Variants in RAB3GAP2 observed in about 807,000 individuals in gnomAD.
RAB3GAP2 encodes RAB3 GTPase activating non-catalytic protein subunit 2, also known as rab3 GTPase-activating protein non-catalytic subunit.
A neutral mutation model predicts 185.3 loss-of-function variants in RAB3GAP2; 87 were observed. The ratio of observed to expected loss-of-function variants is 0.47; its 90% CI spans 0.39 to 0.56. The LOEUF (loss-of-function observed/expected upper bound fraction) is 0.56. RAB3GAP2 is among the 20% of genes least tolerant of loss of function. The pLI, the probability that RAB3GAP2 is intolerant of heterozygous loss-of-function variation, is 0.00. For synonymous variants in RAB3GAP2, 554 were observed against 576.1 expected (o/e 0.96, Z 0.55); for missense variants, 1,492 against 1,638.2 (o/e 0.91, Z 1.54).
At chr1:220,246,005 A>T (rs1056815778) in intron 1 of RAB3GAP2, among the ~76,000 whole-genome samples, 30 of 152,214 alleles carry the variant, frequency 2.0e-4, no homozygotes, top group African/African-American at 7.2e-4. Context: ...ATCCACACCG[A>T]AAATTTTCGC....
intron 11 of RAB3GAP2, 50 bp downstream of exon 11, chr1:220,195,248 C>A (rs1372827616): frequency 3.8e-6 from 6 of 1,594,830 alleles, no homozygotes; most frequent in Non-Finnish European, 5.2e-6. Context: ...AAGTTAAAAG[C>A]AAGCTAGATA....
At position 220,196,857 on chromosome 1, in the gene RAB3GAP2, AAATTTCCATCTAT is replaced by A. The variant is rs202198950; in HGVS notation, c.812-472_812-460del. Among the ~76,000 whole-genome samples the A allele has an allele frequency of 1.6e-4, 25 of 152,146 alleles. 1 individual carries two copies. The East Asian group carries it at 4.6e-3, about 28-fold the overall frequency. ...AAAAAAATAATAATAATAAATATTA[AAATTTCCATCTAT>A]AATTTCCATAATCTATAGAATATCA... On this transcript the variant is annotated intron_variant, in intron 9 of 34. Transcript: ENST00000358951.
intron 21 of RAB3GAP2, among the ~76,000 whole-genome samples, chr1:220,177,081 T>C (rs537631193): frequency 6.6e-6 from 1 of 152,342 alleles, no homozygotes; most frequent in East Asian, 1.9e-4. Flanking sequence ...TGCAGACACC[T>C]GCTGGGATGC....
intron 1 of RAB3GAP2, among the ~76,000 whole-genome samples, chr1:220,235,126 A>T (rs1659568462): frequency 6.6e-6 from 1 of 152,218 alleles, no homozygotes; most frequent in Admixed American, 6.5e-5. Flanking sequence ...ACTATGCCTC[A>T]TGAAGGGTAA....
intron 9 of RAB3GAP2, among the ~76,000 whole-genome samples, chr1:220,198,495 C>A (rs1270808088): frequency 6.6e-6 from 1 of 152,094 alleles, no homozygotes; most frequent in Non-Finnish European, 1.5e-5. Flanking sequence ...CACATTGGTA[C>A]TGAATTTAGG....
chr1:220,210,258 C>T (rs1659054005), intron 7 of RAB3GAP2, 130 bp downstream of exon 7: 6 of 774,422 alleles, frequency 7.7e-6, no homozygotes, highest in South Asian at 5.4e-5. Context: ...TATTTCTAGA[C>T]TATGATAGCA....
At chr1:220,244,209 C>A (rs769102538) in intron 1 of RAB3GAP2, among the ~76,000 whole-genome samples, 1 of 152,154 alleles carries the variant, frequency 6.6e-6, no homozygotes, top group African/African-American at 2.4e-5. Flanking sequence ...TCAGTAAAGT[C>A]TACAGTTACC....
At chr1:220,155,041 A>T (rs1193415175) in intron 31 of RAB3GAP2, among the ~76,000 whole-genome samples, 1 of 152,174 alleles carries the variant, frequency 6.6e-6, no homozygotes, top group East Asian at 1.9e-4. Flanking sequence ...TCCTTTTAAA[A>T]ACACTTGTTG....
At position 220,232,779 on chromosome 1, in the gene RAB3GAP2, A is replaced by G; in HGVS notation, c.180+20T>C. The G allele has an allele frequency of 1.3e-6, 2 of 1,593,762 alleles. No homozygotes were observed. Among genetic ancestry groups the G allele is most frequent in the Non-Finnish European group, 1.7e-6 (2 of 1,161,638 alleles). ...AAAATGCCACTATCAAAAAACATGC[A>G]TATATTTGTAAAGACTTACAGGTTC... On this transcript the variant is annotated intron_variant, in intron 2 of 34. Transcript: ENST00000358951.
At chr1:220,190,289 T>C (rs917320481) in intron 15 of RAB3GAP2, 88 bp downstream of exon 15, 4 of 1,578,362 alleles carry the variant, frequency 2.5e-6, no homozygotes, top group Non-Finnish European at 8.7e-7. Context: ...AACAACAAAA[T>C]AGCAACTACA....
At chr1:220,248,740 G>T (rs992152658) in intron 1 of RAB3GAP2, among the ~76,000 whole-genome samples, 1 of 151,786 alleles carries the variant, frequency 6.6e-6, no homozygotes, top group Admixed American at 6.6e-5. Context: ...ATCTTGAATC[G>T]TAGTTCCCAT....
chr1:220,206,015 GA>G lies in RAB3GAP2; in HGVS notation c.613-10del. Reference sequence around the variant, plus strand: ...ATACTCAACTCTTCATTCTATTTAAGAAATAAAAAAAAAAAGTTCTTGAATA... The same window carrying G: ...ATACTCAACTCTTCATTCTATTTAAGAATAAAAAAAAAAAGTTCTTGAATA... On this transcript the variant is annotated splice_polypyrimidine_tract_variant and intron_variant, in intron 7 of 34. Coordinates refer to ENST00000358951, the MANE Select transcript of RAB3GAP2 (RefSeq NM_012414.4). 1 of 1,508,550 alleles carries G rather than the reference GA, an allele frequency of 6.6e-7. No individual in the cohort carries two copies. Among genetic ancestry groups the G allele is most frequent in the Non-Finnish European group, 9.0e-7 (1 of 1,106,160 alleles). 93.4% of individuals were successfully genotyped at this position (1,508,550 alleles called of 1,614,324 possible).
intron 2 of RAB3GAP2, 151 bp from the exon 3 acceptor site, chr1:220,214,130 T>C (rs558563884): frequency 2.5e-6 from 2 of 786,242 alleles, no homozygotes; most frequent in Non-Finnish European, 4.1e-6. Context: ...TATCAAAACA[T>C]GCCAAAGATG....
chr1:220,231,312 G>A (rs1659497083), intron 2 of RAB3GAP2, among the ~76,000 whole-genome samples: 1 of 152,146 alleles, frequency 6.6e-6, no homozygotes, highest in Non-Finnish European at 1.5e-5. Context: ...AGATTCTCAT[G>A]TTGTTGACTC....
intron 7 of RAB3GAP2, 149 bp downstream of exon 7, chr1:220,210,239 A>G: frequency 1.4e-6 from 1 of 738,546 alleles, no homozygotes; most frequent in Non-Finnish European, 2.5e-6. Flanking sequence ...CTCAGCTACA[A>G]ATAGATTATA....
intron 18 of RAB3GAP2, among the ~76,000 whole-genome samples, chr1:220,185,028 A>G (rs370665558): frequency 2.2e-4 from 34 of 152,292 alleles, no homozygotes; most frequent in African/African-American, 7.0e-4. Context: ...CTGGTTTTAC[A>G]TAATTAATAT....
chr1:220,212,980 A>G lies in RAB3GAP2; in HGVS notation c.305-12T>C. The G allele has an allele frequency of 1.9e-6, 3 of 1,578,498 alleles. No individual in the cohort carries two copies. Among genetic ancestry groups the G allele is most frequent in the Non-Finnish European group, 2.6e-6 (3 of 1,151,220 alleles). The stretch of plus-strand genomic sequence containing the variant: ...ATATTTCCATTTTGCTGTAAGAATT[A>G]AGATATCATATAAAATAATTTTAGC... On this transcript the variant is annotated splice_polypyrimidine_tract_variant and intron_variant, in intron 3 of 34. Transcript: ENST00000358951.
At chr1:220,196,048 C>T (rs962184858) in intron 10 of RAB3GAP2, 1 of 608,278 alleles carries the variant, frequency 1.6e-6, no homozygotes, top group African/African-American at 1.9e-5. Flanking sequence ...CAAAGAATTT[C>T]CTTTTATACT....
chr1:220,200,599 C>T (rs1388180620), intron 9 of RAB3GAP2: 4 of 529,182 alleles, frequency 7.6e-6, no homozygotes. Context: ...CAATCATTTT[C>T]CCTAGCCAGT....
Sources: allele counts gnomAD v4.1 joint callset (sites outside exome capture counted in the v4.1 genomes callset), GRCh38; gene constraint gnomAD v4.1.1; transcripts MANE v1.5; gene names NCBI Gene and HGNC (gene_info 2026-07-23, HGNC 2026-07-21).